Variants in FER1L6 observed in about 807,000 individuals in gnomAD.
FER1L6 encodes the protein fer-1 like family member 6.
In FER1L6, 177 loss-of-function variants were observed where a neutral mutation model predicts 219.2. That is an observed-to-expected ratio of 0.81 (90% CI 0.71 to 0.91). FER1L6 has a LOEUF of 0.91. Among genes scored for constraint, FER1L6 ranks in the 40% least tolerant of loss-of-function variants. The probability of loss-of-function intolerance (pLI) is 0.00; values close to 1 mark genes in which losing one functional copy is unlikely to be tolerated. For missense variants in FER1L6, 2,153 were observed against 2,259.9 expected, an observed-to-expected ratio of 0.95 and a Z score of 0.96; for synonymous variants, 768 against 824.3, an observed-to-expected ratio of 0.93 and a Z score of 1.17.
intron 39 of FER1L6, among the ~76,000 whole-genome samples, chr8:124,104,626 C>G (rs549923910): frequency 6.6e-6 from 1 of 152,204 alleles, no homozygotes; most frequent in South Asian, 2.1e-4. Context: ...TTCCTGAGCA[C>G]AGTACGAGGT....
chr8:123,935,704 T>C (rs957905147), intron 1 of FER1L6, among the ~76,000 whole-genome samples: 6 of 152,184 alleles, frequency 3.9e-5, no homozygotes, highest in Admixed American at 6.5e-5. Flanking sequence ...TCCATGGTGA[T>C]GGAAGACAGA....
chr8:123,936,146 C>A (rs1464786150), intron 1 of FER1L6, among the ~76,000 whole-genome samples: 2 of 152,064 alleles, frequency 1.3e-5, no homozygotes, highest in Non-Finnish European at 2.9e-5. Flanking sequence ...CCCCTGGGAT[C>A]TGATGTTACT....
Position 123,853,040 on chromosome 8 carries a change from C to T in FER1L6, c.-8+855C>T, listed in dbSNP as rs180769673. On this transcript the variant is annotated intron_variant, in intron 1 of 40. Transcript: ENST00000522917. The surrounding 1 kb of genome is among the most constrained non-coding windows in gnomAD (Gnocchi z 6.6). ...TCTTATTTTTGTAGAGACGGGGCCT[C>T]GCTATGTTGCTCAGGTTGGTCTCAA... is the stretch of plus-strand genomic sequence containing the variant. Among the ~76,000 whole-genome samples the T allele has an allele frequency of 2.3e-4, 35 of 152,258 alleles. No individual in the cohort carries two copies. The East Asian group carries it at 4.2e-3, about 18-fold the overall frequency.
intron 1 of FER1L6, among the ~76,000 whole-genome samples, chr8:123,859,675 A>G (rs1816710322): frequency 1.9e-5 from 2 of 104,704 alleles, no homozygotes; most frequent in Non-Finnish European, 3.8e-5. Context: ...AGCATTAGGT[A>G]TATCTCCCAA....
Position 124,003,307 on chromosome 8 carries a change from A to G in FER1L6, c.1660A>G (p.Thr554Ala), listed in dbSNP as rs748281697. ...AHDVPIPMAS[T>A]THPEKPLVTE... is the part of the protein sequence containing the mutation. ...TGATGTTCCCATTCCTATGGCCTCC[A>G]CCACTCACCCGGAGAAGCCACTGGT... The change falls in exon 13 of 41, where the codon ACC (threonine) becomes GCC (alanine). Residue 554 changes from threonine to alanine, a missense_variant. Coordinates refer to ENST00000522917, the MANE Select transcript of FER1L6 (RefSeq NM_001039112.2). 6.2e-7 allele frequency: 1 copy of G among 1,613,722 alleles called. No individual in the cohort carries two copies. Among genetic ancestry groups the G allele is most frequent in the Non-Finnish European group, 8.5e-7 (1 of 1,179,984 alleles).
chr8:123,936,208 C>T (rs1375358233), intron 1 of FER1L6, among the ~76,000 whole-genome samples: 3 of 152,100 alleles, frequency 2.0e-5, no homozygotes, highest in Admixed American at 1.3e-4. Flanking sequence ...TTTTAAATTG[C>T]TCTGAACCCC....
chr8:123,887,494 A>G (rs1468605955), intron 1 of FER1L6, among the ~76,000 whole-genome samples: 1 of 152,128 alleles, frequency 6.6e-6, no homozygotes, highest in African/African-American at 2.4e-5. Flanking sequence ...TTCTCGATTG[A>G]CTTGGAAGAA....
At chr8:124,103,735 G>A (rs537726116) in intron 39 of FER1L6, among the ~76,000 whole-genome samples, 5 of 152,340 alleles carry the variant, frequency 3.3e-5, no homozygotes, top group African/African-American at 1.2e-4. Context: ...GCCAATGCAT[G>A]TCAGATTGTG....
chr8:123,857,142 A>G (rs78713160), intron 1 of FER1L6, among the ~76,000 whole-genome samples: 4,223 of 152,162 alleles, frequency 0.028, 194 homozygotes, highest in African/African-American at 0.096. Context: ...AATCAGAAAA[A>G]TCTCATTGTT....
In FER1L6 at chr8:123,975,134, C is replaced by A; in HGVS notation, c.527-16C>A. The A allele has an allele frequency of 6.3e-7, 1 of 1,574,842 alleles. No homozygotes were observed. The highest frequency in any genetic ancestry group is 1.2e-5 in the South Asian group (1 of 85,836). On this transcript the variant is annotated splice_polypyrimidine_tract_variant and intron_variant, in intron 7 of 40. Transcript: ENST00000522917. ...CCCATCTGTGAAGGATGTGAGCTGT[C>A]AGGGTGCTTTCACAGGTCATCAGTT... is the stretch of plus-strand genomic sequence containing the variant.
chr8:123,864,209 A>C (rs934581886), intron 1 of FER1L6, among the ~76,000 whole-genome samples: 1 of 150,678 alleles, frequency 6.6e-6, no homozygotes, highest in African/African-American at 2.5e-5. Context: ...GCTTGTTTGT[A>C]AAGTATTTTA....
At chr8:124,048,988 TAGCCCCTAAGATAGCTTTGGGCCAGAA>T (rs1407771033) in intron 21 of FER1L6, among the ~76,000 whole-genome samples, 1 of 151,542 alleles carries the variant, frequency 6.6e-6, no homozygotes, top group Non-Finnish European at 1.5e-5. Flanking sequence ...ATGAGAGAGA[TAGCCCCTAAGATAGCTTTGGGCCAGAA>T]AGCCCCTAGG....
chr8:123,968,654 T>A (rs1815665144), intron 5 of FER1L6, among the ~76,000 whole-genome samples: 1 of 152,232 alleles, frequency 6.6e-6, no homozygotes, highest in South Asian at 2.1e-4. Flanking sequence ...AGTTTAAGCA[T>A]ATATATGAGA....
intron 1 of FER1L6, among the ~76,000 whole-genome samples, chr8:123,856,832 T>C (rs1014487806): frequency 6.6e-6 from 1 of 152,050 alleles, no homozygotes; most frequent in African/African-American, 2.4e-5. Flanking sequence ...AGAACCATTG[T>C]TAGAAAAAAA....
At chr8:123,980,150 G>A (rs973161441) in intron 10 of FER1L6, among the ~76,000 whole-genome samples, 2 of 152,134 alleles carry the variant, frequency 1.3e-5, no homozygotes, top group Admixed American at 6.5e-5. Context: ...TTAGTATCTA[G>A]CATTGTACCT....
rs1411347116 is a variant in FER1L6, at chr8:124,023,539, C to G, written c.2229C>G (p.Ser743=). The G allele has an allele frequency of 3.1e-6, 5 of 1,614,160 alleles. No individual in the cohort carries two copies. The change falls in exon 18 of 41, where the codon TCC becomes TCG. Residue 743 remains serine, a synonymous_variant. Coordinates refer to ENST00000522917, the MANE Select transcript of FER1L6 (RefSeq NM_001039112.2). ...ARIASKDLLY[S]PVAGQMGKHC... is the part of the protein sequence containing the mutation. ...TCGCCTCCAAAGACCTCCTCTATTC[C>G]CCTGTCGCGGGGCAGATGGGCAAAC...
chr8:124,041,583 C>T (rs911234109), intron 20 of FER1L6, among the ~76,000 whole-genome samples: 1 of 152,160 alleles, frequency 6.6e-6, no homozygotes, highest in East Asian at 1.9e-4. Context: ...ATGCAGGCCT[C>T]ATGACACACG....
intron 1 of FER1L6, among the ~76,000 whole-genome samples, chr8:123,918,753 A>G (rs1204686675): frequency 6.6e-6 from 1 of 152,132 alleles, no homozygotes; most frequent in Admixed American, 6.6e-5. Flanking sequence ...GCAGTGATTG[A>G]ACTGACCTTG....
intron 1 of FER1L6, among the ~76,000 whole-genome samples, chr8:123,922,819 G>C (rs1217056795): frequency 6.6e-6 from 1 of 152,112 alleles, no homozygotes; most frequent in African/African-American, 2.4e-5. Context: ...TGTCACAGCA[G>C]CCCAATGAGA....
Sources: allele counts gnomAD v4.1 joint callset (sites outside exome capture counted in the v4.1 genomes callset), GRCh38; gene constraint gnomAD v4.1.1; non-coding constraint Gnocchi (gnomAD v3.1); transcripts MANE v1.5; gene names NCBI Gene and HGNC (gene_info 2026-07-23, HGNC 2026-07-21).